Variants in ROCK2 observed in about 807,000 individuals in gnomAD.
ROCK2 encodes the protein rho-associated protein kinase 2.
ROCK2 carries 61 observed loss-of-function variants against 195.1 expected under a neutral mutation model. That is an observed-to-expected ratio of 0.31 (90% CI 0.25 to 0.39). The LOEUF is 0.39. ROCK2 is among the 10% of genes least tolerant of loss of function. ROCK2 has a pLI of 1.00. For synonymous variants in ROCK2, 504 were observed against 545.5 expected (o/e 0.92, Z 1.06); for missense variants, 1,109 against 1,637.4 (o/e 0.68, Z 5.57).
intron 3 of ROCK2, among the ~76,000 whole-genome samples, chr2:11,260,628 A>T (rs1666195031): frequency 6.6e-6 from 1 of 152,212 alleles, no homozygotes; most frequent in Admixed American, 6.5e-5. Context: ...CAGTATTATT[A>T]CCTATGCTTG....
intron 1 of ROCK2, among the ~76,000 whole-genome samples, chr2:11,304,680 T>C (rs762740496): frequency 2.6e-4 from 39 of 152,332 alleles, no homozygotes; most frequent in Middle Eastern, 3.4e-3. Context: ...TTTGAGTCTA[T>C]CATCTGCTCG....
chr2:11,267,955 C>A (rs2148159021), intron 3 of ROCK2, among the ~76,000 whole-genome samples: 1 of 151,628 alleles, frequency 6.6e-6, no homozygotes, highest in African/African-American at 2.4e-5. Flanking sequence ...CCCCAATATG[C>A]CTTTTAAGAC....
intron 28 of ROCK2, 48 bp downstream of exon 28, chr2:11,194,907 T>TAAAAA (rs753776608): frequency 2.6e-6 from 3 of 1,160,214 alleles, no homozygotes; most frequent in Non-Finnish European, 3.7e-6. Flanking sequence ...TGACTAGAGT[T>TAAAAA]AAAACAAAAA....
chr2:11,333,648 T>C (rs1263940548), intron 1 of ROCK2, among the ~76,000 whole-genome samples: 2 of 152,172 alleles, frequency 1.3e-5, no homozygotes, highest in Non-Finnish European at 2.9e-5. Context: ...ACACACTTGA[T>C]TCCTGTCAAA....
intron 5 of ROCK2, among the ~76,000 whole-genome samples, chr2:11,227,671 C>T (rs1269074667): frequency 6.6e-6 from 1 of 152,110 alleles, no homozygotes; most frequent in Non-Finnish European, 1.5e-5. Context: ...AATGGAGATT[C>T]CATGCAAATC....
chr2:11,215,460 A>T (rs756270476), intron 14 of ROCK2, 48 bp from the exon 15 acceptor site: 4 of 1,607,266 alleles, frequency 2.5e-6, no homozygotes, highest in South Asian at 2.2e-5. Flanking sequence ...ACACACATAC[A>T]CACACTTAAT....
rs1288738180 is a variant in ROCK2 at position 11,317,600 on chromosome 2, ATATATATATATATT to A, written c.141+26382_141+26395del. 1.2e-4 allele frequency among the ~76,000 whole-genome samples: 2 copies of A among 16,594 alleles called. 1 individual carries two copies. The highest frequency in any genetic ancestry group is 3.6e-4 in the African/African-American group (2 of 5,554). The allele number at this position is 16,594 out of a possible 152,430, so 10.9% of individuals were successfully genotyped here. A position where few individuals can be genotyped will look rare whatever the true frequency, so the allele number is the denominator to read the frequency against. ...TTTATATATATATATATATATATAT[ATATATATATATATT>A]TTTTTTTTTTTTTAATTATACTTTA... On this transcript the variant is annotated intron_variant, in intron 1 of 32. Coordinates refer to ENST00000315872, the MANE Select transcript of ROCK2 (RefSeq NM_004850.5).
At chr2:11,185,054 C>T (rs1176717329) in intron 32 of ROCK2, among the ~76,000 whole-genome samples, 2 of 152,178 alleles carry the variant, frequency 1.3e-5, no homozygotes, top group African/African-American at 4.8e-5. Flanking sequence ...CACTCCCATA[C>T]CCCAGATAAA....
chr2:11,340,833 TTAAG>T (rs778558928), intron 1 of ROCK2, among the ~76,000 whole-genome samples: 9 of 152,188 alleles, frequency 5.9e-5, no homozygotes, highest in South Asian at 2.1e-4. Flanking sequence ...CACACAAGTC[TTAAG>T]TAAGAGTTTA....
chr2:11,254,518 A>G (rs1665950666), intron 3 of ROCK2, among the ~76,000 whole-genome samples: 1 of 152,144 alleles, frequency 6.6e-6, no homozygotes. Flanking sequence ...GGTTTATTAG[A>G]GACCAACTGC....
intron 3 of ROCK2, among the ~76,000 whole-genome samples, chr2:11,264,512 TAGAG>T (rs957586280): frequency 6.6e-5 from 10 of 152,118 alleles, no homozygotes; most frequent in African/African-American, 2.2e-4. Flanking sequence ...AGAACAAAGT[TAGAG>T]AGGGAATCAA....
chr2:11,242,924 C>G (rs1402721622), intron 4 of ROCK2, among the ~76,000 whole-genome samples: 1 of 152,168 alleles, frequency 6.6e-6, no homozygotes, highest in Non-Finnish European at 1.5e-5. Context: ...GGAGAACTCT[C>G]TCTCTAGTGC....
chr2:11,295,803 A>G (rs990511629), intron 1 of ROCK2, among the ~76,000 whole-genome samples: 28 of 152,068 alleles, frequency 1.8e-4, no homozygotes, highest in Admixed American at 1.1e-3. Flanking sequence ...CTAAAAATAC[A>G]AAGATTAGCC....
chr2:11,221,422 T>C, intron 8 of ROCK2, 65 bp from the exon 9 acceptor site: 3 of 1,118,620 alleles, frequency 2.7e-6, no homozygotes, highest in South Asian at 3.6e-5. Flanking sequence ...TCCTATTTTA[T>C]TATGATGTAT....
At chr2:11,267,807 G>A (rs550850136) in intron 3 of ROCK2, among the ~76,000 whole-genome samples, 5 of 150,222 alleles carry the variant, frequency 3.3e-5, no homozygotes, top group East Asian at 2.0e-4. Context: ...CACCAAGCCC[G>A]GCTAATTTTT....
intron 1 of ROCK2, among the ~76,000 whole-genome samples, chr2:11,309,417 C>G (rs1667964133): frequency 6.6e-6 from 1 of 152,090 alleles, no homozygotes; most frequent in African/African-American, 2.4e-5. Flanking sequence ...ATGCAGTATA[C>G]ACAAAATAAA....
At chr2:11,230,442 C>G (rs1238280550) in intron 5 of ROCK2, among the ~76,000 whole-genome samples, 1 of 151,974 alleles carries the variant, frequency 6.6e-6, no homozygotes, top group Non-Finnish European at 1.5e-5. Context: ...ATACGTAGGC[C>G]AAGAATCATG....
At chr2:11,339,594 C>A (rs937575832) in intron 1 of ROCK2, among the ~76,000 whole-genome samples, 1 of 150,154 alleles carries the variant, frequency 6.7e-6, no homozygotes, top group South Asian at 2.1e-4. Flanking sequence ...TAGATCGGAG[C>A]TATACTGATT....
chr2:11,342,233 G>C (rs1669129358), intron 1 of ROCK2, among the ~76,000 whole-genome samples: 1 of 152,188 alleles, frequency 6.6e-6, no homozygotes, highest in Non-Finnish European at 1.5e-5. Flanking sequence ...CAAGTCATCA[G>C]CACCTGATGT....
Sources: allele counts gnomAD v4.1 joint callset (sites outside exome capture counted in the v4.1 genomes callset), GRCh38; gene constraint gnomAD v4.1.1; transcripts MANE v1.5; gene names NCBI Gene and HGNC (gene_info 2026-07-23, HGNC 2026-07-21).